PCSK6: variants seen among roughly 807,000 people sequenced by gnomAD.
PCSK6 encodes the protein proprotein convertase subtilisin/kexin type 6.
Under a neutral mutation model 123.3 loss-of-function variants are expected in PCSK6, and 85 were observed. That is an observed-to-expected ratio of 0.69 (90% CI 0.58 to 0.83). The LOEUF is 0.83. Among genes scored for constraint, PCSK6 ranks in the 40% least tolerant of loss-of-function variants. PCSK6 has a pLI of 0.00. For synonymous variants in PCSK6, 508 were observed against 516.0 expected (o/e 0.98, Z 0.21); for missense variants, 1,191 against 1,282.3 (o/e 0.93, Z 1.09).
chr15:101,349,784 C>T (rs574238794), intron 13 of PCSK6, among the ~76,000 whole-genome samples: 2 of 152,334 alleles, frequency 1.3e-5, no homozygotes, highest in East Asian at 3.9e-4. Flanking sequence ...CTTTAAATCA[C>T]ATCACTCTGT....
intron 13 of PCSK6, among the ~76,000 whole-genome samples, chr15:101,342,038 G>A (rs1399452452): frequency 6.9e-6 from 1 of 144,578 alleles, no homozygotes; most frequent in Non-Finnish European, 1.5e-5. Flanking sequence ...GCTGAAGCAG[G>A]AGAATTGCTT....
At chr15:101,488,275 T>G (rs190998771) in intron 1 of PCSK6, among the ~76,000 whole-genome samples, 3 of 152,230 alleles carry the variant, frequency 2.0e-5, no homozygotes, top group Admixed American at 2.0e-4. Flanking sequence ...GTTTGTAGAT[T>G]TGTTAACTGC....
intron 1 of PCSK6, among the ~76,000 whole-genome samples, chr15:101,483,273 T>C (rs78775792): frequency 0.02 from 3,060 of 152,320 alleles, 111 homozygotes; most frequent in African/African-American, 0.069. Context: ...GGTTAAGGCT[T>C]CGGCTTGTTT....
chr15:101,413,024 G>GAGAGT (rs1555456846), intron 6 of PCSK6, among the ~76,000 whole-genome samples: 1 of 147,948 alleles, frequency 6.8e-6, no homozygotes, highest in Admixed American at 6.7e-5. Context: ...GGAGGAGGAG[G>GAGAGT]AGGAGGAGGA....
intron 5 of PCSK6, among the ~76,000 whole-genome samples, 160 bp downstream of exon 5, chr15:101,429,827 T>A (rs2056386125): frequency 6.6e-6 from 1 of 152,238 alleles, no homozygotes. Context: ...TGAAGGGCTG[T>A]GCCTGGCATG....
chr15:101,392,873 G>C (rs12903394), intron 8 of PCSK6, among the ~76,000 whole-genome samples: 58,346 of 151,880 alleles, frequency 0.38, 11,663 homozygotes, highest in Non-Finnish European at 0.42. Context: ...TGGGTTCATT[G>C]GATTCCAAGA....
intron 1 of PCSK6, among the ~76,000 whole-genome samples, chr15:101,458,792 A>T (rs1380509886): frequency 2.0e-5 from 3 of 152,010 alleles, no homozygotes; most frequent in African/African-American, 7.3e-5. Context: ...TCACAATGCC[A>T]CCTCTCTAAC....
chr15:101,316,917 T>TTTTTGTTTTG (rs1355992769), intron 19 of PCSK6, among the ~76,000 whole-genome samples: 2 of 103,712 alleles, frequency 1.9e-5, no homozygotes, highest in African/African-American at 8.5e-5. Flanking sequence ...TCTGTTTTTT[T>TTTTTGTTTTG]TTTTTTTTTT....
chr15:101,393,377 G>T lies in PCSK6; in HGVS notation c.1044C>A (p.Gly348=). Residue 348 remains glycine, a synonymous_variant, in exon 8 of 22, where the codon GGC becomes GGA. Transcript: ENST00000611716. The stretch of plus-strand genomic sequence containing the variant: ...ACGAGCAGTAGTCCCCCTCTCTCCC[G>T]CCATTCCCAGATGCCCAGACGAAAA... ...GSIFVWASGN[G]GREGDYCSCD... The T allele has an allele frequency of 1.2e-6, 2 of 1,604,050 alleles. No individual in the cohort carries two copies. Among genetic ancestry groups the T allele is most frequent in the Non-Finnish European group, 8.5e-7 (1 of 1,175,536 alleles).
intron 1 of PCSK6, among the ~76,000 whole-genome samples, chr15:101,479,191 C>T (rs1327809587): frequency 6.6e-6 from 1 of 152,168 alleles, no homozygotes; most frequent in Admixed American, 6.5e-5. Context: ...GGTCAGGAAG[C>T]AGCACTTTGG....
chr15:101,391,766 G>T (rs2042240695), intron 8 of PCSK6, among the ~76,000 whole-genome samples: 1 of 149,824 alleles, frequency 6.7e-6, no homozygotes, highest in South Asian at 2.1e-4. Flanking sequence ...AGAGGACTCA[G>T]AACAAAAGCT....
chr15:101,352,337 C>T (rs1393680282), intron 13 of PCSK6, among the ~76,000 whole-genome samples: 5 of 151,710 alleles, frequency 3.3e-5, no homozygotes, highest in South Asian at 2.1e-4. Flanking sequence ...TTAGTAGAGA[C>T]GGGGTTTCAC....
chr15:101,453,199 T>C (rs7167996), intron 1 of PCSK6, among the ~76,000 whole-genome samples: 49,408 of 152,072 alleles, frequency 0.32, 8,825 homozygotes, highest in Non-Finnish European at 0.41. Flanking sequence ...GATCCAGGAA[T>C]TATTTTGTAA....
chr15:101,326,577 G>A, intron 15 of PCSK6, 98 bp from the exon 16 acceptor site: 1 of 1,198,864 alleles, frequency 8.3e-7, no homozygotes, highest in Non-Finnish European at 1.2e-6. Context: ...GCTTGGCAGG[G>A]TTGGGAGACG....
chr15:101,433,709 G>A (rs1256472456), intron 2 of PCSK6, among the ~76,000 whole-genome samples: 4 of 152,226 alleles, frequency 2.6e-5, no homozygotes, highest in Admixed American at 6.5e-5. Flanking sequence ...TGAGTGGGCA[G>A]GGAGTAACAG....
chr15:101,372,898 G>A (rs1445354089), intron 11 of PCSK6, among the ~76,000 whole-genome samples: 1 of 152,126 alleles, frequency 6.6e-6, no homozygotes, highest in African/African-American at 2.4e-5. Flanking sequence ...ATTGCTCATC[G>A]GTAGGGGAAG....
intron 13 of PCSK6, among the ~76,000 whole-genome samples, chr15:101,351,187 C>A (rs1478976656): frequency 6.6e-6 from 1 of 152,104 alleles, no homozygotes; most frequent in Non-Finnish European, 1.5e-5. Flanking sequence ...GCGGGATATT[C>A]CCATATGGAA....
At position 101,389,524 on chromosome 15, in the gene PCSK6, G is replaced by A. The variant is rs901085348; in HGVS notation, c.1250C>T (p.Thr417Ile). The stretch of plus-strand genomic sequence containing the variant: ...CATGGGGGCAGAGACTGAGGTCCCA[G>A]TGTGGCCATCGGTACAGCGCTGACG... ...DLRQRCTDGH[T>I]GTSVSAPMVA... The change falls in exon 9 of 22, where the codon ACT becomes ATT. Residue 417 changes from threonine to isoleucine, a missense_variant. Around this residue, in one of 3 missense-constraint regions of PCSK6, gnomAD observed 357 missense variants for 484.5 expected, o/e 0.74. Transcript: ENST00000611716. 1.9e-6 allele frequency: 3 copies of A among 1,613,586 alleles called. No homozygotes were observed. The highest frequency in any genetic ancestry group is 2.5e-6 in the Non-Finnish European group (3 of 1,179,730).
At chr15:101,400,966 G>A (rs993275186) in intron 6 of PCSK6, among the ~76,000 whole-genome samples, 1 of 152,202 alleles carries the variant, frequency 6.6e-6, no homozygotes, top group Non-Finnish European at 1.5e-5. Flanking sequence ...AAGCAAGACA[G>A]AGAATACAAG....
Sources: gnomAD v4.1 joint callset for allele counts (sites outside exome capture counted in the v4.1 genomes callset) on GRCh38, gnomAD v4.1.1 for gene constraint, gnomAD v4.1.1 regional missense constraint, MANE v1.5 for transcripts, NCBI Gene and HGNC (gene_info 2026-07-23, HGNC 2026-07-21) for gene names.